PREP: variants seen among roughly 807,000 people sequenced by gnomAD.
PREP encodes prolyl endopeptidase.
Under a neutral mutation model 87.6 loss-of-function variants are expected in PREP, and 29 were observed. The ratio of observed to expected loss-of-function variants is 0.33; its 90% CI spans 0.25 to 0.45. PREP has a LOEUF of 0.45. PREP is among the 20% of genes least tolerant of loss of function. The pLI is 1.00. For synonymous variants in PREP, 337 were observed against 328.6 expected (o/e 1.03, Z -0.28); for missense variants, 695 against 886.5 (o/e 0.78, Z 2.74).
chr6:105,398,012 G>A, intron 1 of PREP, 85 bp from the exon 2 acceptor site: 1 of 1,061,592 alleles, frequency 9.4e-7, no homozygotes, highest in Non-Finnish European at 1.4e-6. Flanking sequence ...GGAGAAATAG[G>A]AAAGGGATGG....
At chr6:105,397,554 T>C (rs1773318175) in intron 2 of PREP, among the ~76,000 whole-genome samples, 1 of 152,254 alleles carries the variant, frequency 6.6e-6, no homozygotes, top group Non-Finnish European at 1.5e-5. Context: ...GTTTTCATTT[T>C]TTCTTTTGGC....
intron 2 of PREP, among the ~76,000 whole-genome samples, chr6:105,389,460 C>G (rs148522005): frequency 9.3e-4 from 142 of 152,312 alleles, no homozygotes; most frequent in African/African-American, 3.3e-3. Flanking sequence ...TGCCAACTCA[C>G]AGAATGAAGG....
intron 7 of PREP, among the ~76,000 whole-genome samples, chr6:105,351,746 C>G (rs1771957756): frequency 6.6e-6 from 1 of 152,156 alleles, no homozygotes; most frequent in Non-Finnish European, 1.5e-5. Flanking sequence ...TCTATGAAGA[C>G]CTATGCTTGC....
chr6:105,402,704 C>T (rs976292006), intron 1 of PREP, 143 bp downstream of exon 1: 8 of 733,008 alleles, frequency 1.1e-5, no homozygotes, highest in Admixed American at 9.5e-5. Flanking sequence ...GCCCCCGGCC[C>T]AATTCTCCCA....
Position 105,285,651 on chromosome 6 carries a change from C to T in PREP, c.1455-71G>A. ...AAGACCATGCCCTCTCTCTCCATCT[C>T]AAAAAAGTGTATGCCCAACAACACT... On this transcript the variant is annotated intron_variant, in intron 11 of 14. Coordinates refer to ENST00000652536, the MANE Select transcript of PREP (RefSeq NM_002726.5). The T allele has an allele frequency of 3.2e-6, 4 of 1,266,054 alleles. No individual in the cohort carries two copies. In the South Asian group the frequency reaches 4.9e-5, roughly 15 times the overall value. 78.4% of individuals were successfully genotyped at this position (1,266,054 alleles called of 1,614,324 possible).
At chr6:105,305,667 T>C (rs1770639855) in intron 10 of PREP, among the ~76,000 whole-genome samples, 2 of 152,168 alleles carry the variant, frequency 1.3e-5, no homozygotes, top group South Asian at 4.1e-4. Context: ...TTTATATTTG[T>C]GCAGTGGAAT....
intron 6 of PREP, among the ~76,000 whole-genome samples, chr6:105,356,344 G>A (rs1407607419): frequency 3.3e-5 from 5 of 152,204 alleles, no homozygotes; most frequent in Non-Finnish European, 7.3e-5. Context: ...CCTCTGACTT[G>A]TCAGAATGTG....
At chr6:105,378,273 G>A (rs1186511458) in intron 2 of PREP, among the ~76,000 whole-genome samples, 2 of 152,170 alleles carry the variant, frequency 1.3e-5, no homozygotes, top group Non-Finnish European at 2.9e-5. Context: ...ACCCTGGCCA[G>A]CATGGCGAAA....
At chr6:105,288,122 A>C (rs1301533091) in intron 11 of PREP, among the ~76,000 whole-genome samples, 2 of 152,238 alleles carry the variant, frequency 1.3e-5, no homozygotes, top group African/African-American at 4.8e-5. Context: ...CGGTGGCAGC[A>C]AATGACAAAC....
At chr6:105,402,821 C>T (rs13209565) in intron 1 of PREP, 26 bp downstream of exon 1, 147 of 1,536,228 alleles carry the variant, frequency 9.6e-5, no homozygotes, top group Non-Finnish European at 1.3e-4. Flanking sequence ...CCCGGGAGCC[C>T]TCTGGGCGGA....
At chr6:105,333,743 A>G (rs2114659583) in intron 7 of PREP, among the ~76,000 whole-genome samples, 1 of 151,970 alleles carries the variant, frequency 6.6e-6, no homozygotes, top group East Asian at 1.9e-4. Flanking sequence ...CCGGCCCATC[A>G]CCCCCACAAG....
chr6:105,376,514 C>G (rs1249553530), intron 3 of PREP, among the ~76,000 whole-genome samples: 1 of 152,106 alleles, frequency 6.6e-6, no homozygotes, highest in African/African-American at 2.4e-5. Flanking sequence ...AAATAAAGAC[C>G]ATTTTATGTG....
At chr6:105,316,984 G>T (rs1770889618) in intron 10 of PREP, among the ~76,000 whole-genome samples, 1 of 149,898 alleles carries the variant, frequency 6.7e-6, no homozygotes, top group Non-Finnish European at 1.5e-5. Context: ...TTTAGAGATA[G>T]GGTCTTGCTG....
chr6:105,305,988 T>C (rs1435611804), intron 10 of PREP, among the ~76,000 whole-genome samples: 1 of 152,004 alleles, frequency 6.6e-6, no homozygotes, highest in Non-Finnish European at 1.5e-5. Flanking sequence ...ACTACAGGTA[T>C]GTGCCACCAT....
intron 10 of PREP, chr6:105,302,805 G>A (rs1770568223): frequency 4.5e-6 from 2 of 442,626 alleles, no homozygotes; most frequent in East Asian, 6.2e-5. Flanking sequence ...TGAAGGTCCC[G>A]AGACTTGATC....
intron 5 of PREP, among the ~76,000 whole-genome samples, chr6:105,372,106 T>C (rs909632011): frequency 2.6e-5 from 4 of 151,926 alleles, no homozygotes; most frequent in Non-Finnish European, 4.4e-5. Context: ...TTGGCGAATT[T>C]ATAAAAAAGG....
chr6:105,382,270 A>AACAC (rs146759488), intron 2 of PREP, among the ~76,000 whole-genome samples: 5,920 of 143,034 alleles, frequency 0.041, 191 homozygotes, highest in Admixed American at 0.11. Flanking sequence ...AAGCGTTCTC[A>AACAC]ACACACACAC....
intron 2 of PREP, among the ~76,000 whole-genome samples, chr6:105,389,953 TG>T (rs1196328775): frequency 6.6e-6 from 1 of 152,160 alleles, no homozygotes; most frequent in East Asian, 1.9e-4. Context: ...GAAGGGCACC[TG>T]GGAAAGCAGA....
At chr6:105,280,361 G>A (rs138955519) in intron 14 of PREP, among the ~76,000 whole-genome samples, 114 of 151,914 alleles carry the variant, frequency 7.5e-4, no homozygotes, top group African/African-American at 2.7e-3. Context: ...TTTACTAATA[G>A]GAGGAACAGG....
Sources: allele counts gnomAD v4.1 joint callset (sites outside exome capture counted in the v4.1 genomes callset), GRCh38; gene constraint gnomAD v4.1.1; transcripts MANE v1.5; gene names NCBI Gene and HGNC (gene_info 2026-07-23, HGNC 2026-07-21).